The following SERINC5 variants were observed in gnomAD, a reference collection of about 807,000 sequenced individuals.
SERINC5 encodes the protein serine incorporator 5, also known as chromosome 5 open reading frame 12.
SERINC5 carries 41 observed loss-of-function variants against 63.1 expected under a neutral mutation model. The observed-to-expected ratio is 0.65, with a 90% CI of 0.51 to 0.84. SERINC5 has a LOEUF of 0.84. Ranked by LOEUF, SERINC5 falls within the 40% of genes least tolerant of loss-of-function variation. The pLI is 0.00. For missense variants in SERINC5, 523 were observed against 573.0 expected (o/e 0.91, Z 0.89); for synonymous variants, 222 against 215.2 (o/e 1.03, Z -0.28).
At chr5:80,132,914 T>C (rs1745004829) in intron 11 of SERINC5, among the ~76,000 whole-genome samples, 1 of 152,160 alleles carries the variant, frequency 6.6e-6, no homozygotes, top group Non-Finnish European at 1.5e-5. Flanking sequence ...TGAAGAGCAG[T>C]GAGAAGGCTG....
At chr5:80,195,502 G>A (rs907082249) in intron 2 of SERINC5, among the ~76,000 whole-genome samples, 1 of 152,110 alleles carries the variant, frequency 6.6e-6, no homozygotes, top group African/African-American at 2.4e-5. Context: ...ACGAGCTGCA[G>A]CCTTTTTCCA....
intron 8 of SERINC5, among the ~76,000 whole-genome samples, chr5:80,154,112 T>C (rs1435115701): frequency 6.6e-6 from 1 of 152,210 alleles, no homozygotes; most frequent in Non-Finnish European, 1.5e-5. Flanking sequence ...CCCTGTGCTA[T>C]AGAACCCAAA....
chr5:80,255,229 G>A (rs2112627005), intron 1 of SERINC5: 1 of 152,516 alleles, frequency 6.6e-6, no homozygotes, highest in African/African-American at 2.4e-5. Context: ...TAAAAAACAG[G>A]TTCGAACAAG....
At chr5:80,152,247 T>G (rs570092649) in intron 8 of SERINC5, among the ~76,000 whole-genome samples, 1 of 152,134 alleles carries the variant, frequency 6.6e-6, no homozygotes, top group Admixed American at 6.5e-5. Flanking sequence ...ACACCTGTAA[T>G]CTCAGCACTT....
intron 2 of SERINC5, among the ~76,000 whole-genome samples, chr5:80,179,111 C>T (rs1016518062): frequency 6.6e-6 from 1 of 151,908 alleles, no homozygotes; most frequent in East Asian, 1.9e-4. Context: ...ACCAGCCTGG[C>T]CAACATGTGA....
intron 11 of SERINC5, among the ~76,000 whole-genome samples, chr5:80,144,997 TA>T (rs60256731): frequency 0.35 from 50,681 of 143,584 alleles, 9,272 homozygotes; most frequent in African/African-American, 0.51. Flanking sequence ...ACTGCCAAGT[TA>T]AAAAAAAAAA....
chr5:80,205,459 C>T (rs1000299013), intron 1 of SERINC5, among the ~76,000 whole-genome samples: 11 of 152,180 alleles, frequency 7.2e-5, no homozygotes, highest in Admixed American at 2.6e-4. Flanking sequence ...CAGCCATACA[C>T]CCTTGTAGGA....
chr5:80,251,290 G>A (rs10069825), intron 1 of SERINC5, among the ~76,000 whole-genome samples: 1,093 of 98,598 alleles, frequency 0.011, 38 homozygotes, highest in African/African-American at 0.027. Context: ...ATACATACAT[G>A]CATACATACA....
chr5:80,241,444 G>A lies in SERINC5; in HGVS notation c.27+14452C>T, dbSNP rs74981897. On this transcript the variant is annotated intron_variant, in intron 1 of 11. Transcript: ENST00000507668. ...AAATCGCGCCACTGCACTTCAACCT[G>A]GTGACAGAGCAAGACTCCGTCTCAA... Among the ~76,000 whole-genome samples, 1,064 of 152,150 alleles carry A rather than the reference G, an allele frequency of 7.0e-3. 12 individuals carry two copies. Among genetic ancestry groups the A allele is most frequent in the African/African-American group, 0.025 (1,021 of 41,506 alleles).
At chr5:80,177,426 A>C in intron 3 of SERINC5, 29 bp from the exon 4 acceptor site, 1 of 1,543,758 alleles carries the variant, frequency 6.5e-7, no homozygotes, top group Non-Finnish European at 9.0e-7. Flanking sequence ...AAAAGAGGAA[A>C]TGTATTTAAA....
In SERINC5 at chr5:80,169,526, T is replaced by C. The variant is rs1380663508; in HGVS notation, c.572A>G (p.Asn191Ser). The C allele has an allele frequency of 9.3e-6, 15 of 1,613,352 alleles. No homozygotes were observed. Among genetic ancestry groups the C allele is most frequent in the Non-Finnish European group, 1.1e-5 (13 of 1,179,662 alleles). ...NKNWTAGTAS[N>S]KLWYASLALV... ...GGCCAGGGAGGCGTACCACAGCTTG[T>C]TACTGGCTGTGCCTGCTGTCCTGTT... Residue 191 changes from asparagine to serine, a missense_variant, in exon 6 of 12, where the codon AAC (asparagine) becomes AGC (serine). Coordinates refer to ENST00000507668, the MANE Select transcript of SERINC5 (RefSeq NM_001174072.3).
chr5:80,194,092 T>C (rs959550906), intron 2 of SERINC5, among the ~76,000 whole-genome samples: 1 of 152,204 alleles, frequency 6.6e-6, no homozygotes, highest in Non-Finnish European at 1.5e-5. Flanking sequence ...ACACATAAGG[T>C]ACAACAGTAC....
At chr5:80,196,709 C>T (rs1580151046) in intron 2 of SERINC5, among the ~76,000 whole-genome samples, 3 of 152,114 alleles carry the variant, frequency 2.0e-5, no homozygotes, top group Non-Finnish European at 2.9e-5. Context: ...GAGGCCAAGG[C>T]GGGCAGATCA....
intron 2 of SERINC5, among the ~76,000 whole-genome samples, chr5:80,199,573 C>G (rs1253603522): frequency 6.6e-6 from 1 of 152,178 alleles, no homozygotes; most frequent in African/African-American, 2.4e-5. Context: ...ATTGCTAGAA[C>G]TGCTTCATGG....
chr5:80,195,725 A>G (rs1168001218), intron 2 of SERINC5, among the ~76,000 whole-genome samples: 6 of 152,260 alleles, frequency 3.9e-5, no homozygotes, highest in Non-Finnish European at 8.8e-5. Flanking sequence ...GTCAACTCCA[A>G]GAACCACAGA....
chr5:80,184,154 T>C (rs1580129687), intron 2 of SERINC5, among the ~76,000 whole-genome samples: 1 of 152,198 alleles, frequency 6.6e-6, no homozygotes, highest in Non-Finnish European at 1.5e-5. Flanking sequence ...GCTACATTCA[T>C]GGAGAAGCCA....
At chr5:80,194,081 G>T (rs1432730813) in intron 2 of SERINC5, among the ~76,000 whole-genome samples, 2 of 152,264 alleles carry the variant, frequency 1.3e-5, no homozygotes, top group South Asian at 4.1e-4. Flanking sequence ...TTGATAACTT[G>T]ACACATAAGG....
At chr5:80,176,567 G>A (rs1242582412) in intron 4 of SERINC5, among the ~76,000 whole-genome samples, 3 of 151,800 alleles carry the variant, frequency 2.0e-5, no homozygotes, top group African/African-American at 7.3e-5. Flanking sequence ...GAGTAGCTGG[G>A]ATTACAGGCA....
chr5:80,255,200 G>C (rs1386226714), intron 1 of SERINC5: 1 of 152,392 alleles, frequency 6.6e-6, no homozygotes, highest in Non-Finnish European at 1.5e-5. Flanking sequence ...AGACATCATA[G>C]GTTTAAATAG....
Sources: allele counts gnomAD v4.1 joint callset (sites outside exome capture counted in the v4.1 genomes callset), GRCh38; gene constraint gnomAD v4.1.1; transcripts MANE v1.5; gene names NCBI Gene and HGNC (gene_info 2026-07-23, HGNC 2026-07-21).